The following DPP10 variants were observed in gnomAD, a reference collection of about 807,000 sequenced individuals.
DPP10 encodes dipeptidyl peptidase like 10.
In DPP10, 33 loss-of-function variants were observed where a neutral mutation model predicts 120.9. The ratio of observed to expected loss-of-function variants is 0.27; its 90% CI spans 0.21 to 0.37. The LOEUF is 0.37. Ranked by LOEUF, DPP10 falls within the 10% of genes least tolerant of loss-of-function variation. The pLI is 1.00. For missense variants in DPP10, 816 were observed against 942.8 expected, an observed-to-expected ratio of 0.87 and a Z score of 1.76; for synonymous variants, 337 against 326.1, an observed-to-expected ratio of 1.03 and a Z score of -0.36.
rs140347691 is a variant in DPP10, at chr2:115,836,380, A to G, written c.2050+124A>G. On this transcript the variant is annotated intron_variant, in intron 22 of 25. Transcript: ENST00000410059. ...TATTAGAGCCTGTTTTCAGCTGTTTATCTCCTCCTTGATTCAGCTGATTTT... is the reference window on the plus strand; with the variant it reads ...TATTAGAGCCTGTTTTCAGCTGTTTGTCTCCTCCTTGATTCAGCTGATTTT... 2.9e-6 allele frequency: 4 copies of G among 1,391,654 alleles called. No homozygotes were observed. In the South Asian group the frequency reaches 3.9e-5, roughly 14 times the overall value. The allele number at this position is 1,391,654 out of a possible 1,614,324, so 86.2% of individuals were successfully genotyped here.
intron 13 of DPP10, 100 bp from the exon 14 acceptor site, chr2:115,777,108 T>C (rs1398473939): frequency 3.0e-6 from 3 of 988,238 alleles, no homozygotes; most frequent in Non-Finnish European, 4.6e-6. Flanking sequence ...TAACTGAGAA[T>C]TAGAGAATTC....
At chr2:114,835,161 C>T (rs1485360211) in intron 1 of DPP10, 1 of 150,320 alleles carries the variant, frequency 6.7e-6, no homozygotes, top group African/African-American at 2.5e-5. Flanking sequence ...ATATATAAGC[C>T]ATATCTACAC....
At chr2:115,700,401 A>G (rs1036951031) in intron 7 of DPP10, among the ~76,000 whole-genome samples, 26 of 152,276 alleles carry the variant, frequency 1.7e-4, no homozygotes, top group African/African-American at 6.3e-4. Context: ...ACTAAAAAAA[A>G]ACAACAAACT....
intron 5 of DPP10, among the ~76,000 whole-genome samples, chr2:115,549,357 G>A (rs771871377): frequency 5.8e-4 from 88 of 152,058 alleles, no homozygotes; most frequent in Admixed American, 2.0e-4. Context: ...GTCCTTTCTT[G>A]TGAGGTTAAC....
intron 1 of DPP10, among the ~76,000 whole-genome samples, chr2:115,092,587 T>C (rs1709355227): frequency 6.6e-6 from 1 of 152,144 alleles, no homozygotes; most frequent in Non-Finnish European, 1.5e-5. Context: ...GATTTCAATA[T>C]ATATATATGA....
intron 1 of DPP10, among the ~76,000 whole-genome samples, chr2:114,584,768 C>T (rs1422671298): frequency 6.6e-6 from 1 of 151,884 alleles, no homozygotes; most frequent in Non-Finnish European, 1.5e-5. Context: ...AGGCTTTAGA[C>T]TTTATTGTTA....
At chr2:115,757,052 T>C (rs947083261) in intron 11 of DPP10, among the ~76,000 whole-genome samples, 1 of 151,984 alleles carries the variant, frequency 6.6e-6, no homozygotes. Context: ...AATCACACAA[T>C]CACAATTAAA....
intron 1 of DPP10, among the ~76,000 whole-genome samples, chr2:114,499,467 A>G (rs929881644): frequency 2.0e-5 from 3 of 151,728 alleles, no homozygotes; most frequent in African/African-American, 4.8e-5. Context: ...TCTATAGTAC[A>G]CTCCATTATA....
chr2:114,656,657 C>G (rs1696988996), intron 1 of DPP10, among the ~76,000 whole-genome samples: 1 of 152,014 alleles, frequency 6.6e-6, no homozygotes, highest in South Asian at 2.1e-4. Flanking sequence ...GCAAATAGGA[C>G]AAAACTTCCG....
intron 1 of DPP10, among the ~76,000 whole-genome samples, chr2:114,942,287 GTATATATATACA>G (rs1437838728): frequency 8.9e-6 from 1 of 112,804 alleles, no homozygotes; most frequent in East Asian, 2.8e-4. Context: ...AAAAAAATGT[GTATATATATACA>G]TATATATATA....
At chr2:115,462,689 G>A (rs921576145) in intron 3 of DPP10, among the ~76,000 whole-genome samples, 2 of 152,094 alleles carry the variant, frequency 1.3e-5, no homozygotes, top group African/African-American at 2.4e-5. Flanking sequence ...GTATATTTAT[G>A]CAGTTAGTGA....
chr2:114,576,428 G>A (rs1354451016), intron 1 of DPP10, among the ~76,000 whole-genome samples: 1 of 152,220 alleles, frequency 6.6e-6, no homozygotes, highest in Non-Finnish European at 1.5e-5. Context: ...CTGGAAAGGA[G>A]CTACATTCTT....
chr2:114,499,003 T>C (rs1183490760), intron 1 of DPP10, among the ~76,000 whole-genome samples: 1 of 152,198 alleles, frequency 6.6e-6, no homozygotes, highest in Non-Finnish European at 1.5e-5. Context: ...TAGCACAACA[T>C]TTATAGATCT....
At chr2:115,067,240 T>C (rs1321538369) in intron 1 of DPP10, among the ~76,000 whole-genome samples, 3 of 152,022 alleles carry the variant, frequency 2.0e-5, no homozygotes, top group Non-Finnish European at 4.4e-5. Flanking sequence ...AATGTCCTTT[T>C]TTTTGTTTGT....
intron 1 of DPP10, among the ~76,000 whole-genome samples, chr2:114,866,932 G>A (rs1215901780): frequency 6.6e-6 from 1 of 152,190 alleles, no homozygotes; most frequent in African/African-American, 2.4e-5. Flanking sequence ...TTGCTGCCTT[G>A]TTAAGATTCA....
At chr2:115,241,141 C>T (rs1332891864) in intron 1 of DPP10, among the ~76,000 whole-genome samples, 1 of 152,138 alleles carries the variant, frequency 6.6e-6, no homozygotes, top group African/African-American at 2.4e-5. Context: ...TGGTGGCAGG[C>T]ACCTGTAATT....
At chr2:115,461,952 G>T (rs748178402) in intron 3 of DPP10, among the ~76,000 whole-genome samples, 4 of 151,998 alleles carry the variant, frequency 2.6e-5, no homozygotes, top group Non-Finnish European at 5.9e-5. Flanking sequence ...CTTTCGTGTG[G>T]ACCTTTGGAA....
intron 1 of DPP10, among the ~76,000 whole-genome samples, chr2:115,095,691 T>C (rs1329323883): frequency 6.6e-6 from 1 of 151,798 alleles, no homozygotes; most frequent in East Asian, 1.9e-4. Context: ...ACAGAAATTC[T>C]GCACTTCTAA....
At chr2:114,975,010 AG>A (rs1258952361) in intron 1 of DPP10, among the ~76,000 whole-genome samples, 2 of 151,998 alleles carry the variant, frequency 1.3e-5, no homozygotes, top group African/African-American at 4.8e-5. Context: ...TAAAACTGAC[AG>A]GTGAGATAGA....
Sources: gnomAD v4.1 joint callset for allele counts (sites outside exome capture counted in the v4.1 genomes callset) on GRCh38, gnomAD v4.1.1 for gene constraint, MANE v1.5 for transcripts, NCBI Gene and HGNC (gene_info 2026-07-23, HGNC 2026-07-21) for gene names.